The following MTHFD1 variants were observed in gnomAD, a reference collection of about 807,000 sequenced individuals.
The protein encoded by MTHFD1 is methylenetetrahydrofolate dehydrogenase, cyclohydrolase and formyltetrahydrofolate synthetase 1.
MTHFD1 carries 44 observed loss-of-function variants against 110.3 expected under a neutral mutation model. The observed-to-expected ratio is 0.40, with a 90% CI of 0.31 to 0.51. The LOEUF (loss-of-function observed/expected upper bound fraction) is 0.51, where lower values mean the gene tolerates loss of function less well. MTHFD1 is among the 20% of genes least tolerant of loss of function. The pLI is 0.60. For missense variants in MTHFD1, 909 were observed against 1,173.1 expected (o/e 0.77, Z 3.29); for synonymous variants, 402 against 428.8 (o/e 0.94, Z 0.77).
At chr14:64,457,756 G>A (rs894510590) in intron 26 of MTHFD1, among the ~76,000 whole-genome samples, 3 of 152,062 alleles carry the variant, frequency 2.0e-5, no homozygotes, top group Non-Finnish European at 2.9e-5. Context: ...ACGCCCGGCA[G>A]GGATCAGTTT....
intron 2 of MTHFD1, among the ~76,000 whole-genome samples, chr14:64,401,156 G>GTATT (rs910697274): frequency 4.0e-5 from 6 of 151,594 alleles, no homozygotes; most frequent in African/African-American, 1.5e-4. Context: ...TTAATTTAAT[G>GTATT]TATTTATTTA....
intron 1 of MTHFD1, among the ~76,000 whole-genome samples, chr14:64,389,719 A>G (rs904621353): frequency 6.6e-6 from 1 of 152,116 alleles, no homozygotes; most frequent in Non-Finnish European, 1.5e-5. Flanking sequence ...AGAAAAAAAA[A>G]AAAAGAAATC....
chr14:64,403,892 G>T (rs964362843), intron 2 of MTHFD1, among the ~76,000 whole-genome samples: 3 of 152,132 alleles, frequency 2.0e-5, no homozygotes, highest in Non-Finnish European at 4.4e-5. Context: ...CTTCATCAAG[G>T]GTGGTCCTAG....
chr14:64,430,280 G>C (rs201067588), intron 13 of MTHFD1, 50 bp downstream of exon 13: 7 of 1,547,956 alleles, frequency 4.5e-6, no homozygotes, highest in Admixed American at 3.3e-5. Context: ...TTTTTGTCGG[G>C]GGGGAGGGTG....
At chr14:64,390,313 T>TG (rs2077794114) in intron 1 of MTHFD1, 1 of 127,580 alleles carries the variant, frequency 7.8e-6, no homozygotes, top group Non-Finnish European at 1.8e-5. Context: ...TGATTCATTA[T>TG]CTTTTTTTTT....
chr14:64,438,212 A>G (rs2078221627), intron 16 of MTHFD1, among the ~76,000 whole-genome samples: 1 of 152,074 alleles, frequency 6.6e-6, no homozygotes, highest in African/African-American at 2.4e-5. Context: ...CCTTACCCAG[A>G]GGTTGGTGGG....
At chr14:64,424,711 A>C in intron 8 of MTHFD1, 93 bp from the exon 9 acceptor site, 1 of 1,423,330 alleles carries the variant, frequency 7.0e-7, no homozygotes, top group East Asian at 2.3e-5. Flanking sequence ...GATGGGACTA[A>C]CACACCCTAC....
Position 64,421,449 on chromosome 14 carries a change from C to T in MTHFD1, c.727+1524C>T, listed in dbSNP as rs527442094. On this transcript the variant is annotated intron_variant, in intron 8 of 27. Coordinates refer to ENST00000652337, the MANE Select transcript of MTHFD1 (RefSeq NM_005956.4). Reference sequence around the variant, plus strand: ...CTGTCAAGCCTTCACCGTTTTTAACCTCCCTCCCACTCTCCCTACCGTGCT... The same window carrying T: ...CTGTCAAGCCTTCACCGTTTTTAACTTCCCTCCCACTCTCCCTACCGTGCT... Among the ~76,000 whole-genome samples, 14 of 152,268 alleles carry T rather than the reference C, an allele frequency of 9.2e-5. No individual in the cohort carries two copies. In the East Asian group the frequency reaches 1.9e-3, roughly 21 times the overall value.
intron 2 of MTHFD1, among the ~76,000 whole-genome samples, chr14:64,403,002 T>G (rs1354355249): frequency 6.6e-6 from 1 of 152,160 alleles, no homozygotes; most frequent in East Asian, 1.9e-4. Context: ...AGAGTTTTAC[T>G]GTTACTCAGT....
At position 64,442,421 on chromosome 14, in the gene MTHFD1, T is replaced by A. The variant is rs2078256663; in HGVS notation, c.2136+19T>A. On this transcript the variant is annotated intron_variant, in intron 21 of 27. Transcript: ENST00000652337. ...CCCCACGGTGAGTGGTGGGTTGAAG[T>A]ATCTGATTATCGGCAGTGTGCTGAC... is the stretch of plus-strand genomic sequence containing the variant. The A allele has an allele frequency of 6.2e-7, 1 of 1,613,284 alleles. No homozygotes were observed. Among genetic ancestry groups the A allele is most frequent in the Non-Finnish European group, 8.5e-7 (1 of 1,179,778 alleles).
At chr14:64,428,102 G>GTTTTTTTTTTTTTTTTTT (rs11289659) in intron 12 of MTHFD1, among the ~76,000 whole-genome samples, 1 of 74,686 alleles carries the variant, frequency 1.3e-5, no homozygotes, top group Non-Finnish European at 2.5e-5. Context: ...AAGAACATGT[G>GTTTTTTTTTTTTTTTTTT]TTTTTTTTTT....
intron 12 of MTHFD1, among the ~76,000 whole-genome samples, chr14:64,428,574 GAC>G (rs1362386275): frequency 7.6e-6 from 1 of 130,886 alleles, no homozygotes; most frequent in African/African-American, 2.9e-5. Context: ...TTTTTTTGGA[GAC>G]ACAGTCTCGC....
chr14:64,456,357 T>C (rs2078474185), intron 26 of MTHFD1, among the ~76,000 whole-genome samples: 1 of 152,264 alleles, frequency 6.6e-6, no homozygotes, highest in South Asian at 2.1e-4. Flanking sequence ...AGACTCAGAT[T>C]ATTTGAATAT....
chr14:64,388,543 A>AT (rs1390496657), intron 1 of MTHFD1, 75 bp downstream of exon 1: 44 of 1,408,376 alleles, frequency 3.1e-5, no homozygotes, highest in Non-Finnish European at 3.9e-5. Flanking sequence ...CCCCGGACCC[A>AT]TTTTTTGCGG....
chr14:64,442,727 T>C (rs141248841), intron 21 of MTHFD1, among the ~76,000 whole-genome samples: 1,538 of 152,318 alleles, frequency 0.01, 21 homozygotes, highest in South Asian at 0.07. Context: ...TTTTTAAATC[T>C]GCATCCCTCT....
rs775960799 is a variant in MTHFD1, at chr14:64,431,523, C to T, written c.1312-9C>T. The T allele has an allele frequency of 6.2e-7, 1 of 1,608,532 alleles. No individual in the cohort carries two copies. The highest frequency in any genetic ancestry group is 8.5e-7 in the Non-Finnish European group (1 of 1,175,274). On this transcript the variant is annotated splice_polypyrimidine_tract_variant and intron_variant, in intron 13 of 27. Coordinates refer to ENST00000652337, the MANE Select transcript of MTHFD1 (RefSeq NM_005956.4). ...CTGGGAGACTAATGTGGCTTCTGTT[C>T]TTTTGTAGTTTAATCTCCACCTCAC...
chr14:64,412,634 ATTT>A (rs10678665), intron 4 of MTHFD1, 109 bp downstream of exon 4: 1,467 of 476,456 alleles, frequency 3.1e-3, no homozygotes, highest in East Asian at 5.8e-3. Flanking sequence ...ACCTCCAGGT[ATTT>A]TTTTTTTTTT....
In MTHFD1 at chr14:64,440,283, G is replaced by A. The variant is rs201502150; in HGVS notation, c.1815+17G>A. 20 of 1,613,934 alleles carry A rather than the reference G, an allele frequency of 1.2e-5. No homozygotes were observed. The highest frequency in any genetic ancestry group is 5.3e-5 in the African/African-American group (4 of 74,916). The stretch of plus-strand genomic sequence containing the variant: ...GAAGATCTGGTGGGTACCCAGACAC[G>A]CCAGGCTTGGCGACATATCTGTGTC... On this transcript the variant is annotated intron_variant, in intron 18 of 27. Transcript: ENST00000652337.
At chr14:64,427,914 A>G (rs1258281113) in intron 12 of MTHFD1, among the ~76,000 whole-genome samples, 3 of 152,138 alleles carry the variant, frequency 2.0e-5, no homozygotes, top group Non-Finnish European at 2.9e-5. Context: ...ATATTATTCT[A>G]TCATCCAGTA....
Sources: allele counts gnomAD v4.1 joint callset (sites outside exome capture counted in the v4.1 genomes callset), GRCh38; gene constraint gnomAD v4.1.1; transcripts MANE v1.5; gene names NCBI Gene and HGNC (gene_info 2026-07-23, HGNC 2026-07-21).